The following SMAD2 variants were observed in gnomAD, a reference collection of about 807,000 sequenced individuals.
SMAD2 encodes MAD homolog 2.
SMAD2 carries 8 observed loss-of-function variants against 64.4 expected under a neutral mutation model. The observed-to-expected ratio is 0.12, with a 90% CI of 0.07 to 0.22. SMAD2 has a LOEUF of 0.22. Ranked by LOEUF, SMAD2 falls within the 10% of genes least tolerant of loss-of-function variation. SMAD2 has a pLI of 1.00. For synonymous variants in SMAD2, 203 were observed against 195.8 expected (o/e 1.04, Z -0.31); for missense variants, 289 against 561.2 (o/e 0.51, Z 4.90).
At chr18:47,904,612 A>T (rs1403706362) in intron 1 of SMAD2, among the ~76,000 whole-genome samples, 1 of 152,148 alleles carries the variant, frequency 6.6e-6, no homozygotes. Flanking sequence ...GTCTGTTACT[A>T]CTAGATGCAA....
chr18:47,857,832 C>CT (rs2030848504), intron 6 of SMAD2, among the ~76,000 whole-genome samples: 3 of 152,302 alleles, frequency 2.0e-5, no homozygotes, highest in African/African-American at 7.2e-5. Context: ...ATGTCTTTAG[C>CT]TGAGTACATG....
chr18:47,869,707 T>A (rs1234714776), intron 3 of SMAD2, among the ~76,000 whole-genome samples: 5 of 152,136 alleles, frequency 3.3e-5, no homozygotes, highest in East Asian at 3.8e-4. Flanking sequence ...ACTGATTTTT[T>A]AAAAAAGAGA....
intron 2 of SMAD2, among the ~76,000 whole-genome samples, chr18:47,879,503 T>TGTGTGTGTGTGTGTGC (rs2032462570): frequency 6.7e-6 from 1 of 150,150 alleles, no homozygotes; most frequent in South Asian, 2.1e-4. Flanking sequence ...GACGTGTGTG[T>TGTGTGTGTGTGTGTGC]GTGTGTGTGT....
chr18:47,886,727 T>C (rs910824650), intron 2 of SMAD2: 1 of 153,840 alleles, frequency 6.5e-6, no homozygotes, highest in Non-Finnish European at 1.4e-5. Flanking sequence ...GATCACAGTT[T>C]CATAAGAGCA....
At position 47,830,775 on chromosome 18, in the gene SMAD2, G is replaced by C. The variant is rs563518366; in HGVS notation, c.*11052C>G. ...TACAAGATTTAAAATCAGAGCAAAT[G>C]AATTTCTTAAGTTCAAGATACGTAC... On this transcript the variant is annotated 3_prime_UTR_variant, in exon 11 of 11. Coordinates refer to ENST00000262160, the MANE Select transcript of SMAD2 (RefSeq NM_005901.6). 1.9e-5 allele frequency: 3 copies of C among 155,792 alleles called. 1 individual carries two copies. Among genetic ancestry groups the C allele is most frequent in the Non-Finnish European group, 4.3e-5 (3 of 70,026 alleles). The allele number at this position is 155,792 out of a possible 1,614,324, so 9.7% of individuals were successfully genotyped here. A position where few individuals can be genotyped will look rare whatever the true frequency, so the allele number is the denominator to read the frequency against.
intron 1 of SMAD2, among the ~76,000 whole-genome samples, chr18:47,898,491 T>G (rs2033540129): frequency 1.3e-5 from 2 of 152,228 alleles, no homozygotes; most frequent in African/African-American, 4.8e-5. Flanking sequence ...GCACATATTC[T>G]TAACGTTAAA....
intron 2 of SMAD2, among the ~76,000 whole-genome samples, chr18:47,874,071 T>C (rs907834632): frequency 6.6e-6 from 1 of 152,190 alleles, no homozygotes; most frequent in African/African-American, 2.4e-5. Context: ...ATACAGCATA[T>C]TCACAGATGA....
At chr18:47,898,427 A>C (rs902221314) in intron 1 of SMAD2, among the ~76,000 whole-genome samples, 1 of 152,226 alleles carries the variant, frequency 6.6e-6, no homozygotes, top group African/African-American at 2.4e-5. Flanking sequence ...ATGTGTGTAC[A>C]AAAAACTGGA....
At position 47,899,386 on chromosome 18, in the gene SMAD2, C is replaced by T. The variant is rs137920613; in HGVS notation, c.-53-2577G>A. Among the ~76,000 whole-genome samples the T allele has an allele frequency of 2.4e-3, 290 of 122,380 alleles. 1 individual carries two copies. Among genetic ancestry groups the T allele is most frequent in the Non-Finnish European group, 3.9e-3 (227 of 57,794 alleles). 80.3% of individuals were successfully genotyped at this position (122,380 alleles called of 152,430 possible). ...CTGGTATATGGGAGAGCTCAGAAAG[C>T]GCCAAGTTCAGTGAAAAAAAAATTC... On this transcript the variant is annotated intron_variant, in intron 1 of 10. Transcript: ENST00000262160.
intron 1 of SMAD2, among the ~76,000 whole-genome samples, chr18:47,916,994 T>C (rs921496208): frequency 1.2e-4 from 18 of 152,194 alleles, no homozygotes; most frequent in Non-Finnish European, 2.9e-5. Flanking sequence ...GTTGTTGTCG[T>C]TGTTGAGACA....
At chr18:47,877,309 T>C (rs1468852901) in intron 2 of SMAD2, among the ~76,000 whole-genome samples, 1 of 152,116 alleles carries the variant, frequency 6.6e-6, no homozygotes, top group Non-Finnish European at 1.5e-5. Flanking sequence ...CAGCTCTTGA[T>C]TACTGATCTA....
At position 47,838,589 on chromosome 18, in the gene SMAD2, G is replaced by A. The variant is rs1047111098; in HGVS notation, c.*3238C>T. ...AAGCTTCTTTAAAGTAGGATAAAAA[G>A]AGCACAATCAGCGGTATTCCAGAAG... On this transcript the variant is annotated 3_prime_UTR_variant, in exon 11 of 11. Transcript: ENST00000262160. The A allele has an allele frequency of 1.3e-5, 3 of 232,998 alleles. No homozygotes were observed. The highest frequency in any genetic ancestry group is 6.6e-5 in the African/African-American group (3 of 45,328). 14.4% of individuals were successfully genotyped at this position (232,998 alleles called of 1,614,324 possible).
At chr18:47,904,033 A>G (rs2033805145) in intron 1 of SMAD2, among the ~76,000 whole-genome samples, 1 of 152,008 alleles carries the variant, frequency 6.6e-6, no homozygotes, top group Admixed American at 6.6e-5. Flanking sequence ...CCACATATGG[A>G]AAGAAAACAC....
rs1302380177 is a variant in SMAD2 at position 47,839,666 on chromosome 18, A to C, written c.*2161T>G. On this transcript the variant is annotated 3_prime_UTR_variant, in exon 11 of 11. Coordinates refer to ENST00000262160, the MANE Select transcript of SMAD2 (RefSeq NM_005901.6). ...ATCACAAAATAAGGCCACCTTCAAA[A>C]TGTTATGAACTGTAGAACCATTCTG... The C allele has an allele frequency of 4.3e-6, 1 of 233,290 alleles. No individual in the cohort carries two copies. The highest frequency in any genetic ancestry group is 8.5e-6 in the Non-Finnish European group (1 of 118,036). 14.5% of individuals were successfully genotyped at this position (233,290 alleles called of 1,614,324 possible).
intron 1 of SMAD2, among the ~76,000 whole-genome samples, chr18:47,901,698 T>G (rs1170183595): frequency 6.6e-6 from 1 of 152,182 alleles, no homozygotes; most frequent in Non-Finnish European, 1.5e-5. Context: ...CACTGCTGAG[T>G]AGCAGTTTTG....
In SMAD2 at chr18:47,811,901, G is replaced by A. The variant is rs955156988; in HGVS notation, c.*29926C>T. The stretch of plus-strand genomic sequence containing the variant: ...AAGCACTGCTGGAAATGTTGAAGCA[G>A]ACACAAAGATGTAGCATATATAAAA... On this transcript the variant is annotated 3_prime_UTR_variant, in exon 11 of 11. Coordinates refer to ENST00000262160, the MANE Select transcript of SMAD2 (RefSeq NM_005901.6). The A allele has an allele frequency of 1.3e-5, 2 of 152,294 alleles. No homozygotes were observed. Among genetic ancestry groups the A allele is most frequent in the South Asian group, 4.1e-4 (2 of 4,828 alleles). The allele number at this position is 152,294 out of a possible 1,614,324, so 9.4% of individuals were successfully genotyped here.
At chr18:47,868,871 A>G (rs2031754364) in intron 4 of SMAD2, among the ~76,000 whole-genome samples, 1 of 152,220 alleles carries the variant, frequency 6.6e-6, no homozygotes, top group East Asian at 1.9e-4. Flanking sequence ...AAGCTTTACT[A>G]AACGGTGTAC....
Position 47,822,945 on chromosome 18 carries a change from C to G in SMAD2, c.*18882G>C, listed in dbSNP as rs1425174368. ...CCTCAGGTGTTCCACCTGTCTTGGC[C>G]TCCCAAAGAGCTGGGATTACAGGCA... On this transcript the variant is annotated 3_prime_UTR_variant, in exon 11 of 11. Coordinates refer to ENST00000262160, the MANE Select transcript of SMAD2 (RefSeq NM_005901.6). 1.3e-5 allele frequency: 2 copies of G among 152,238 alleles called. No individual in the cohort carries two copies. The highest frequency in any genetic ancestry group is 4.8e-5 in the African/African-American group (2 of 41,434). 9.4% of individuals were successfully genotyped at this position (152,238 alleles called of 1,614,324 possible).
chr18:47,852,156 ACT>A (rs975673313), intron 6 of SMAD2, among the ~76,000 whole-genome samples: 6 of 152,094 alleles, frequency 3.9e-5, no homozygotes, highest in African/African-American at 1.4e-4. Context: ...TCATTTTCTT[ACT>A]GATTGTTTGA....
Sources: allele counts gnomAD v4.1 joint callset (sites outside exome capture counted in the v4.1 genomes callset), GRCh38; gene constraint gnomAD v4.1.1; transcripts MANE v1.5; gene names NCBI Gene and HGNC (gene_info 2026-07-23, HGNC 2026-07-21).